Variants in DACH2 observed in about 807,000 individuals in gnomAD.
DACH2 encodes the protein dachshund homolog 2.
DACH2 carries 17 observed loss-of-function variants against 35.8 expected under a neutral mutation model. The observed-to-expected ratio is 0.48, with a 90% confidence interval of 0.33 to 0.71. The LOEUF (loss-of-function observed/expected upper bound fraction) is 0.71, where lower values mean the gene tolerates loss of function less well. Ranked by LOEUF, DACH2 falls within the 30% of genes least tolerant of loss-of-function variation. The pLI is 0.02. For synonymous variants in DACH2, 195 were observed against 177.3 expected (o/e 1.10, Z -0.79); for missense variants, 469 against 472.7 (o/e 0.99, Z 0.07).
intron 1 of DACH2, among the ~76,000 whole-genome samples, chrX:86,213,992 AC>A (rs775945354): frequency 1.1e-4 from 12 of 110,665 alleles, no homozygotes; most frequent in Non-Finnish European, 1.9e-4. Flanking sequence ...ATACTTTCTG[AC>A]TTTTGACCCC....
intron 2 of DACH2, among the ~76,000 whole-genome samples, chrX:86,385,291 A>G (rs1012654985): frequency 4.5e-5 from 5 of 111,589 alleles, no homozygotes; most frequent in African/African-American, 1.6e-4. Flanking sequence ...ACTTGGCATT[A>G]TAGCACCCAC....
At chrX:86,212,824 C>T (rs73514005) in intron 1 of DACH2, among the ~76,000 whole-genome samples, 1,347 of 111,217 alleles carry the variant, frequency 0.012, 12 homozygotes, top group African/African-American at 0.042. Context: ...CTGAAACTCA[C>T]GAACGTTAGT....
intron 2 of DACH2, among the ~76,000 whole-genome samples, chrX:86,408,586 A>T (rs1283983446): frequency 8.9e-6 from 1 of 112,276 alleles, no homozygotes; most frequent in Admixed American, 9.5e-5. Context: ...AGTTGCTTCA[A>T]TTGGAAATTT....
intron 3 of DACH2, among the ~76,000 whole-genome samples, chrX:86,620,857 G>C (rs1458730077): frequency 2.7e-5 from 3 of 110,197 alleles, no homozygotes; most frequent in Non-Finnish European, 5.7e-5. Flanking sequence ...TCAAAGACAA[G>C]TAGATTCGAG....
At chrX:86,748,282 G>T (rs2041734071) in intron 7 of DACH2, among the ~76,000 whole-genome samples, 1 of 111,935 alleles carries the variant, frequency 8.9e-6, no homozygotes, top group South Asian at 3.7e-4. Flanking sequence ...TTAGTATGGT[G>T]AATTCTTTTC....
chrX:86,530,874 G>A (rs945702932), intron 3 of DACH2, among the ~76,000 whole-genome samples: 2 of 111,641 alleles, frequency 1.8e-5, no homozygotes, highest in African/African-American at 6.5e-5. Context: ...ATAGTGATAA[G>A]GACAATGAAG....
intron 3 of DACH2, among the ~76,000 whole-genome samples, chrX:86,546,343 T>C (rs1276172783): frequency 2.8e-5 from 2 of 72,297 alleles, no homozygotes; most frequent in African/African-American, 1.6e-4. Flanking sequence ...TTCTTCCTCT[T>C]CTTCTTCTTC....
chrX:86,159,056 C>A (rs2030655865), intron 1 of DACH2, among the ~76,000 whole-genome samples: 1 of 111,253 alleles, frequency 9.0e-6, no homozygotes, highest in South Asian at 3.8e-4. Context: ...GATATGAATT[C>A]TTAAAATTCA....
chrX:86,402,463 C>A (rs752577106), intron 2 of DACH2, among the ~76,000 whole-genome samples: 1 of 111,297 alleles, frequency 9.0e-6, no homozygotes, highest in East Asian at 2.8e-4. Context: ...CCTAGGAATA[C>A]AGGTGACCAA....
chrX:86,380,476 G>A (rs767211521), intron 2 of DACH2, among the ~76,000 whole-genome samples: 1 of 110,311 alleles, frequency 9.1e-6, no homozygotes, highest in Non-Finnish European at 1.9e-5. Context: ...AAGTTTGGTA[G>A]CATCATTTTG....
intron 7 of DACH2, among the ~76,000 whole-genome samples, chrX:86,782,730 T>A (rs1171160609): frequency 1.8e-5 from 2 of 111,615 alleles, no homozygotes; most frequent in Non-Finnish European, 3.8e-5. Flanking sequence ...ATCAGACCAA[T>A]GTCTCTCACC....
chrX:86,591,221 A>G (rs1162795123), intron 3 of DACH2, among the ~76,000 whole-genome samples: 10 of 111,747 alleles, frequency 8.9e-5, no homozygotes, highest in Non-Finnish European at 1.7e-4. Context: ...CCAGTCTATC[A>G]TTGTTGGATA....
intron 3 of DACH2, among the ~76,000 whole-genome samples, chrX:86,627,529 T>C (rs776706854): frequency 8.9e-6 from 1 of 111,785 alleles, no homozygotes; most frequent in East Asian, 2.8e-4. Flanking sequence ...ATTGTTATAA[T>C]AAGCTTAATT....
chrX:86,648,296 C>A (rs188903396), intron 3 of DACH2, among the ~76,000 whole-genome samples: 1 of 110,630 alleles, frequency 9.0e-6, no homozygotes, highest in African/African-American at 3.3e-5. Context: ...TCTAGTTGTC[C>A]GGTGCAAGTT....
intron 1 of DACH2, among the ~76,000 whole-genome samples, chrX:86,265,295 C>T (rs2147966247): frequency 9.0e-6 from 1 of 111,553 alleles, no homozygotes; most frequent in East Asian, 2.8e-4. Flanking sequence ...TATTTACTTC[C>T]AATAGTACAC....
Position 86,469,921 on chromosome X carries a change from AT to A in DACH2, c.528-44351del, listed in dbSNP as rs890900249. ...TAATAAGTGCTAATCAACAGCAAATATTTTTTTAATTCAATAAATATTTGCC... is the reference window on the plus strand; with the variant it reads ...TAATAAGTGCTAATCAACAGCAAATATTTTTTAATTCAATAAATATTTGCC... On this transcript the variant is annotated intron_variant, in intron 2 of 11. Transcript: ENST00000373125. 5.5e-5 allele frequency among the ~76,000 whole-genome samples: 6 copies of A among 109,919 alleles called. No individual in the cohort carries two copies. In the East Asian group the frequency reaches 1.1e-3, roughly 21 times the overall value.
chrX:86,520,312 G>T (rs997566877), intron 3 of DACH2, among the ~76,000 whole-genome samples: 2 of 111,631 alleles, frequency 1.8e-5, no homozygotes, highest in Admixed American at 1.9e-4. Context: ...GTCGAGGATT[G>T]TTTTATGTCC....
intron 1 of DACH2, among the ~76,000 whole-genome samples, chrX:86,302,419 C>A (rs1228570744): frequency 9.0e-6 from 1 of 111,679 alleles, no homozygotes; most frequent in Non-Finnish European, 1.9e-5. Flanking sequence ...TAATTGTATA[C>A]CTTTTCAAAC....
At chrX:86,388,789 G>C (rs180955091) in intron 2 of DACH2, among the ~76,000 whole-genome samples, 1 of 111,471 alleles carries the variant, frequency 9.0e-6, no homozygotes, top group Non-Finnish European at 1.9e-5. Context: ...AAACAGAAAT[G>C]TTTTAGTTAA....
Sources: gnomAD v4.1 joint callset for allele counts (sites outside exome capture counted in the v4.1 genomes callset) on GRCh38, gnomAD v4.1.1 for gene constraint, MANE v1.5 for transcripts, NCBI Gene and HGNC (gene_info 2026-07-23, HGNC 2026-07-21) for gene names.